The following SEC16A variants were observed in gnomAD, a reference collection of about 807,000 sequenced individuals.
SEC16A encodes the protein SEC16 homolog A, endoplasmic reticulum export factor.
In SEC16A, 110 loss-of-function variants were observed where a neutral mutation model predicts 221.9. The ratio of observed to expected loss-of-function variants is 0.50; its 90% CI spans 0.42 to 0.58. The LOEUF is 0.58. Ranked by LOEUF, SEC16A falls within the 20% of genes least tolerant of loss-of-function variation. SEC16A has a pLI of 0.00. For missense variants in SEC16A, 3,165 were observed against 3,097.8 expected, an observed-to-expected ratio of 1.02 and a Z score of -0.52; for synonymous variants, 1,393 against 1,257.7, an observed-to-expected ratio of 1.11 and a Z score of -2.28.
At chr9:136,443,336 C>G (rs1174544015) in intron 31 of SEC16A, among the ~76,000 whole-genome samples, 1 of 152,212 alleles carries the variant, frequency 6.6e-6, no homozygotes, top group East Asian at 1.9e-4. Flanking sequence ...GAGGGCCCAG[C>G]CTGGCTCCTC....
Position 136,471,991 on chromosome 9 carries a change from C to A in SEC16A, c.3688G>T (p.Glu1230Ter). 6.2e-7 allele frequency: 1 copy of A among 1,612,272 alleles called. No homozygotes were observed. The highest frequency in any genetic ancestry group is 8.5e-7 in the Non-Finnish European group (1 of 1,179,846). Residue 1230 changes from glutamate (E) to a stop codon, truncating the protein, a stop_gained, in exon 4 of 32, where the codon GAA (glutamate) becomes TAA (stop). Coordinates refer to ENST00000684901, the MANE Select transcript of SEC16A (RefSeq NM_014866.2). LOFTEE classifies it high-confidence loss of function. ...RPSSRASHSSERPPPRQGYPE... is the reference protein window; with the variant it reads ...RPSSRASHSS Reference sequence around the variant, plus strand: ...CGGCCGCACCTGGGAGGTGGCCGTTCCGAGGAGTGGCTGGCTCGGGAGCTG... The same window carrying A: ...CGGCCGCACCTGGGAGGTGGCCGTTACGAGGAGTGGCTGGCTCGGGAGCTG...
At position 136,445,702 on chromosome 9, in the gene SEC16A, C is replaced by T. The variant is rs753798654; in HGVS notation, c.6810G>A (p.Ala2270=). Residue 2270 remains alanine (A), a synonymous_variant, in exon 29 of 32, where the codon GCG becomes GCA. Transcript: ENST00000684901. ...APEPKVLSSA[A]SLPGSELPSS... is the part of the protein sequence containing the mutation. Reference sequence around the variant, plus strand: ...AGGGGAGTTCAGAGCCAGGGAGTGACGCTGCAGAGCTTAAAACCTGCCGAG... The same window carrying T: ...AGGGGAGTTCAGAGCCAGGGAGTGATGCTGCAGAGCTTAAAACCTGCCGAG... 31 of 1,551,586 alleles carry T rather than the reference C, an allele frequency of 2.0e-5. No homozygotes were observed. Among genetic ancestry groups the T allele is most frequent in the South Asian group, 4.8e-5 (4 of 83,638 alleles).
chr9:136,458,627 C>CA (rs1392292293), intron 17 of SEC16A, among the ~76,000 whole-genome samples: 123 of 101,892 alleles, frequency 1.2e-3, no homozygotes, highest in East Asian at 3.0e-3. Flanking sequence ...GACTCGGTCT[C>CA]AAAAAAAAAA....
At position 136,460,080 on chromosome 9, in the gene SEC16A, A is replaced by G. The variant is rs1216443035; in HGVS notation, c.5035T>C (p.Tyr1679His). 6.2e-7 allele frequency: 1 copy of G among 1,607,836 alleles called. No homozygotes were observed. Among genetic ancestry groups the G allele is most frequent in the Admixed American group, 1.7e-5 (1 of 59,110 alleles). Residue 1679 changes from tyrosine to histidine, a missense_variant, in exon 14 of 32, where the codon TAC becomes CAC. Around this residue, in one of 3 missense-constraint regions of SEC16A, gnomAD observed 1,088 missense variants for 1,089.6 expected, o/e 1.00. Coordinates refer to ENST00000684901, the MANE Select transcript of SEC16A (RefSeq NM_014866.2). The stretch of plus-strand genomic sequence containing the variant: ...GGCATCCGTCCGGACATGAGCTGGT[A>G]GACTGTCTGCAGAGGGTCGTTGATT... ...LPINDPLQTVYQLMSGRMPAA... is the reference protein window; with the variant it reads ...LPINDPLQTVHQLMSGRMPAA...
rs769142112 is a variant in SEC16A, at chr9:136,476,538, C to A, written c.1078G>T (p.Ala360Ser). 2 of 1,612,032 alleles carry A rather than the reference C, an allele frequency of 1.2e-6. No individual in the cohort carries two copies. The highest frequency in any genetic ancestry group is 1.7e-6 in the Non-Finnish European group (2 of 1,178,748). The stretch of plus-strand genomic sequence containing the variant: ...GCTCCTGAGTCTGCTTCTAGCGGGG[C>A]ACAGCCAGACCCGGCCCCAGCCCCC... The part of the protein sequence containing the change: ...PLGAGAGSGC[A>S]PLEADSGASG... The change falls in exon 3 of 32, where the codon GCC becomes TCC. Residue 360 changes from alanine to serine, a missense_variant. Ala to Ser is a moderately conservative substitution (Grantham distance 99). Transcript: ENST00000684901.
At position 136,474,822 on chromosome 9, in the gene SEC16A, G is replaced by A; in HGVS notation, c.2794C>T (p.Pro932Ser). The A allele has an allele frequency of 6.2e-7, 1 of 1,613,946 alleles. No individual in the cohort carries two copies. The highest frequency in any genetic ancestry group is 8.5e-7 in the Non-Finnish European group (1 of 1,179,892). ...ANLLVQPPSQ[P>S]VPENLVPESQ... ...TCTGGAACCAAGTTCTCTGGAACTG[G>A]CTGGGATGGTGGTTGAACCAGCAAA... Residue 932 changes from proline to serine, a missense_variant, in exon 3 of 32, where the codon CCA becomes TCA. Pro to Ser is a moderately conservative substitution (Grantham distance 74). Transcript: ENST00000684901.
intron 19 of SEC16A, 100 bp from the exon 20 acceptor site, chr9:136,455,893 C>T (rs1035430171): frequency 7.7e-7 from 1 of 1,302,284 alleles, no homozygotes; most frequent in Admixed American, 2.4e-5. Context: ...TACTTCAGGA[C>T]AGGAGGCACT....
chr9:136,447,672 G>A lies in SEC16A; in HGVS notation c.6456C>T (p.Ala2152=), dbSNP rs754142443. ...GCATCGAGGTTGGAGGTGGGGGCGG[G>A]GCTTTCTTCTGCAGAGGGAAACACA... The part of the protein sequence containing the change: ...NLNEPEEEKK[A]PPPPPTSMPK... Residue 2152 remains alanine (A), a synonymous_variant, in exon 26 of 32, where the codon GCC becomes GCT. Coordinates refer to ENST00000684901, the MANE Select transcript of SEC16A (RefSeq NM_014866.2). The surrounding 1 kb of genome is among the most constrained non-coding windows in gnomAD (Gnocchi z 5.5). 1.1e-5 allele frequency: 17 copies of A among 1,609,950 alleles called. No homozygotes were observed. In the East Asian group the frequency reaches 3.8e-4, roughly 36 times the overall value.
chr9:136,455,287 G>T (rs1284624321), intron 20 of SEC16A, among the ~76,000 whole-genome samples: 4 of 152,190 alleles, frequency 2.6e-5, no homozygotes, highest in African/African-American at 9.7e-5. Flanking sequence ...CAGACACGGT[G>T]CGGCTGAGGC....
In SEC16A at chr9:136,441,426, C is replaced by T. The variant is rs1324201989; in HGVS notation, c.*329G>A. 1.8e-5 allele frequency: 6 copies of T among 334,068 alleles called. No individual in the cohort carries two copies. The highest frequency in any genetic ancestry group is 1.2e-4 in the South Asian group (4 of 34,758). The allele number at this position is 334,068 out of a possible 1,614,324, so 20.7% of individuals were successfully genotyped here. ...GGCTCTCCTGTGGCAGAGACAGCTC[C>T]GGCTTCAATGAATGAACATTCTTAA... On this transcript the variant is annotated 3_prime_UTR_variant, in exon 32 of 32. Coordinates refer to ENST00000684901, the MANE Select transcript of SEC16A (RefSeq NM_014866.2).
At position 136,457,612 on chromosome 9, in the gene SEC16A, G is replaced by GCGGCT. The variant is rs745513700; in HGVS notation, c.5410-33_5410-29dup. On this transcript the variant is annotated intron_variant, in intron 17 of 31. Transcript: ENST00000684901. ...GAAACGACAGAAGCCTTGCTGCCCTGCGGCTCCCCCGCGTCCGAGCATCGC... is the reference window on the plus strand; with the variant it reads ...GAAACGACAGAAGCCTTGCTGCCCTGCGGCTCGGCTCCCCCGCGTCCGAGCATCGC... 223 of 1,597,188 alleles carry GCGGCT rather than the reference G, an allele frequency of 1.4e-4. No homozygotes were observed. The South Asian group carries it at 2.4e-3, about 17-fold the overall frequency.
chr9:136,470,336 C>T (rs1158050199), intron 4 of SEC16A, among the ~76,000 whole-genome samples: 1 of 152,298 alleles, frequency 6.6e-6, no homozygotes, highest in Admixed American at 6.5e-5. Context: ...CACCACTGGC[C>T]TCTCAGAATC....
At chr9:136,455,830 T>C in intron 19 of SEC16A, 37 bp from the exon 20 acceptor site, 1 of 1,545,612 alleles carries the variant, frequency 6.5e-7, no homozygotes, top group South Asian at 1.2e-5. Flanking sequence ...GGAAGCCGCC[T>C]GTGGCCGCTC....
intron 11 of SEC16A, 100 bp downstream of exon 11, chr9:136,463,363 G>T: frequency 2.7e-6 from 4 of 1,476,356 alleles, no homozygotes; most frequent in Non-Finnish European, 3.7e-6. Context: ...CCCATAGCTG[G>T]CCACGCGGAT....
chr9:136,479,132 G>C (rs769398360), intron 1 of SEC16A, among the ~76,000 whole-genome samples: 1 of 151,966 alleles, frequency 6.6e-6, no homozygotes, highest in Non-Finnish European at 1.5e-5. Flanking sequence ...AGAAAAGAAA[G>C]GGGCAAAAAC....
chr9:136,484,245 G>T, upstream of SEC16A: 1 of 585,432 alleles, frequency 1.7e-6, no homozygotes, highest in Non-Finnish European at 2.3e-6. Flanking sequence ...CACGTCGGTG[G>T]CGAGTGGGCC....
rs372938288 is a variant in SEC16A, at chr9:136,457,635, C to T, written c.5410-51G>A. ...CTGCGGCTCCCCCGCGTCCGAGCAT[C>T]GCCGATGGACAAAGCCTTGTACTGC... On this transcript the variant is annotated intron_variant, in intron 17 of 31. Transcript: ENST00000684901. The T allele has an allele frequency of 1.3e-4, 197 of 1,569,522 alleles. No individual in the cohort carries two copies. In the African/African-American group the frequency reaches 2.3e-3, roughly 18 times the overall value.
chr9:136,456,133 G>T lies in SEC16A; in HGVS notation c.5584C>A (p.Leu1862Met). ...GACTCCTCTTCTGGCTTCTCTTTCA[G>T]CTGGGGATCGAAGAGTCGTAACTGG... Reference protein sequence around the residue: ...ASQLRLFDPQLKEKPEEESLA... With the variant: ...ASQLRLFDPQMKEKPEEESLA... Residue 1862 changes from leucine (L) to methionine (M), a missense_variant, in exon 19 of 32, where the codon CTG (leucine) becomes ATG (methionine). This residue lies in a region of SEC16A where 1,088 missense variants were observed against 1,089.6 expected (regional missense o/e 1.00). Coordinates refer to ENST00000684901, the MANE Select transcript of SEC16A (RefSeq NM_014866.2). The T allele has an allele frequency of 6.2e-7, 1 of 1,612,514 alleles. No individual in the cohort carries two copies. The highest frequency in any genetic ancestry group is 8.5e-7 in the Non-Finnish European group (1 of 1,179,802).
chr9:136,460,639 G>A (rs1416459916), intron 13 of SEC16A, among the ~76,000 whole-genome samples: 1 of 151,214 alleles, frequency 6.6e-6, no homozygotes, highest in Non-Finnish European at 1.5e-5. Flanking sequence ...GGCCAGGTAT[G>A]GTGGCTCACG....
Sources: allele counts gnomAD v4.1 joint callset (sites outside exome capture counted in the v4.1 genomes callset), GRCh38; gene constraint gnomAD v4.1.1; regional missense constraint gnomAD v4.1.1; non-coding constraint Gnocchi (gnomAD v3.1); transcripts MANE v1.5; gene names NCBI Gene and HGNC (gene_info 2026-07-23, HGNC 2026-07-21).